The following SLC4A10 variants were observed in gnomAD, a reference collection of about 807,000 sequenced individuals.
SLC4A10 encodes the protein sodium-driven chloride bicarbonate exchanger.
In SLC4A10, 42 loss-of-function variants were observed where a neutral mutation model predicts 137.7. That is an observed-to-expected ratio of 0.30 (90% CI 0.24 to 0.39). SLC4A10 has a LOEUF of 0.39. SLC4A10 is among the 10% of genes least tolerant of loss of function. SLC4A10 has a pLI of 1.00. For missense variants in SLC4A10, 925 were observed against 1,355.0 expected, an observed-to-expected ratio of 0.68 and a Z score of 4.98; for synonymous variants, 474 against 464.1, an observed-to-expected ratio of 1.02 and a Z score of -0.27.
At chr2:161,689,895 T>C (rs755008701) in intron 1 of SLC4A10, among the ~76,000 whole-genome samples, 38 of 152,268 alleles carry the variant, frequency 2.5e-4, no homozygotes, top group Admixed American at 1.7e-3. Flanking sequence ...CAGGTTCTCT[T>C]TTTGACATGC....
chr2:161,692,019 G>A (rs867368323), intron 1 of SLC4A10, among the ~76,000 whole-genome samples: 19 of 152,158 alleles, frequency 1.2e-4, no homozygotes, highest in African/African-American at 4.3e-4. Flanking sequence ...ATAACATGGA[G>A]CTTTAGAGGA....
chr2:161,736,864 T>C (rs1258217602), intron 1 of SLC4A10, among the ~76,000 whole-genome samples: 3 of 152,118 alleles, frequency 2.0e-5, no homozygotes, highest in African/African-American at 7.2e-5. Context: ...TTATTATTGT[T>C]ATTATTGAGA....
intron 3 of SLC4A10, among the ~76,000 whole-genome samples, chr2:161,820,572 G>C (rs1029474455): frequency 6.6e-6 from 1 of 152,062 alleles, no homozygotes; most frequent in Non-Finnish European, 1.5e-5. Flanking sequence ...GGAATTAATT[G>C]CTCAGTGTTC....
rs559405555 is a variant in SLC4A10, at chr2:161,792,564, A to G, written c.131-11885A>G. Among the ~76,000 whole-genome samples, 4 of 152,248 alleles carry G rather than the reference A, an allele frequency of 2.6e-5. No individual in the cohort carries two copies. The South Asian group carries it at 6.2e-4, about 24-fold the overall frequency. ...TTTTTGACTAAATTCTTAAATCTCT[A>G]TTTCAGCTGTCTTCCCCCTAGAACT... is the stretch of plus-strand genomic sequence containing the variant. On this transcript the variant is annotated intron_variant, in intron 2 of 26. Coordinates refer to ENST00000446997, the MANE Select transcript of SLC4A10 (RefSeq NM_001178015.2).
chr2:161,911,260 T>G (rs1685780157), intron 15 of SLC4A10, among the ~76,000 whole-genome samples: 1 of 152,090 alleles, frequency 6.6e-6, no homozygotes, highest in South Asian at 2.1e-4. Context: ...TTGGGATAAA[T>G]TTGACACATT....
In SLC4A10 at chr2:161,822,687, T is replaced by C. The variant is rs1389723551; in HGVS notation, c.278-17102T>C. Among the ~76,000 whole-genome samples the C allele has an allele frequency of 2.6e-5, 4 of 152,268 alleles. No homozygotes were observed. The South Asian group carries it at 8.3e-4, about 32-fold the overall frequency. On this transcript the variant is annotated intron_variant, in intron 3 of 26. Coordinates refer to ENST00000446997, the MANE Select transcript of SLC4A10 (RefSeq NM_001178015.2). ...ATATTATGTATTTTTATATTAAAAA[T>C]GTATGGGCCAGGCGCAGTGGCTCAT...
intron 1 of SLC4A10, among the ~76,000 whole-genome samples, chr2:161,727,214 TC>T (rs1395004918): frequency 1.3e-5 from 2 of 152,334 alleles, no homozygotes; most frequent in African/African-American, 4.8e-5. Context: ...AGCCAGGCCT[TC>T]AGTTACCAGG....
At chr2:161,625,847 A>C (rs1423913283) in intron 1 of SLC4A10, among the ~76,000 whole-genome samples, 1 of 151,912 alleles carries the variant, frequency 6.6e-6, no homozygotes, top group East Asian at 1.9e-4. Flanking sequence ...CCAAGAATAG[A>C]GTCTCAACAG....
chr2:161,703,857 C>A (rs1156647894), intron 1 of SLC4A10, among the ~76,000 whole-genome samples: 1 of 151,640 alleles, frequency 6.6e-6, no homozygotes, highest in Middle Eastern at 3.2e-3. Flanking sequence ...TGTGTTGTGG[C>A]ACCCTACAAC....
intron 16 of SLC4A10, 54 bp from the exon 17 acceptor site, chr2:161,947,512 G>A (rs1694040506): frequency 1.9e-6 from 3 of 1,567,060 alleles, no homozygotes. Context: ...TTTTCTGCAA[G>A]AAATGTGTCC....
chr2:161,778,916 C>A (rs1305415309), intron 2 of SLC4A10, among the ~76,000 whole-genome samples: 2 of 151,836 alleles, frequency 1.3e-5, no homozygotes, highest in Non-Finnish European at 1.5e-5. Flanking sequence ...CCTTTTGGGG[C>A]CACATAGTAC....
intron 3 of SLC4A10, among the ~76,000 whole-genome samples, chr2:161,815,027 T>C (rs2125655950): frequency 6.6e-6 from 1 of 152,238 alleles, no homozygotes; most frequent in East Asian, 1.9e-4. Context: ...ATAACAAAAA[T>C]AGTAAAAATA....
chr2:161,851,514 C>G (rs1308669808), intron 4 of SLC4A10, among the ~76,000 whole-genome samples: 2 of 151,976 alleles, frequency 1.3e-5, no homozygotes, highest in Non-Finnish European at 2.9e-5. Flanking sequence ...TCATTCTTTT[C>G]TGAAATAAAA....
intron 1 of SLC4A10, among the ~76,000 whole-genome samples, chr2:161,763,294 T>A (rs1271892253): frequency 6.6e-6 from 1 of 152,054 alleles, no homozygotes; most frequent in Non-Finnish European, 1.5e-5. Context: ...TTCCACACAA[T>A]TTGGAGCCAT....
rs546658683 is a variant in SLC4A10 at position 161,865,165 on chromosome 2, AT to A, written c.766+2112del. On this transcript the variant is annotated intron_variant, in intron 6 of 26. Coordinates refer to ENST00000446997, the MANE Select transcript of SLC4A10 (RefSeq NM_001178015.2). ...TTTACTATAACAATAATTTCATTGC[AT>A]TTTTTTTTCAGGCAAGAGACTACAG... 2.2e-3 allele frequency among the ~76,000 whole-genome samples: 333 copies of A among 150,780 alleles called. 1 individual carries two copies. Among genetic ancestry groups the A allele is most frequent in the African/African-American group, 7.3e-3 (301 of 41,158 alleles).
Position 161,889,003 on chromosome 2 carries a change from G to T in SLC4A10, c.1195-5676G>T, listed in dbSNP as rs529283811. 1.8e-4 allele frequency among the ~76,000 whole-genome samples: 28 copies of T among 152,278 alleles called. No homozygotes were observed. The East Asian group carries it at 5.0e-3, about 27-fold the overall frequency. ...AGAGTTTTTAGCAGGAAAGGGTGTTGAATTTTATTGAAGGCCTTTTCTGCA... is the reference window on the plus strand; with the variant it reads ...AGAGTTTTTAGCAGGAAAGGGTGTTTAATTTTATTGAAGGCCTTTTCTGCA... On this transcript the variant is annotated intron_variant, in intron 10 of 26. Coordinates refer to ENST00000446997, the MANE Select transcript of SLC4A10 (RefSeq NM_001178015.2).
At chr2:161,781,108 TA>T (rs964235122) in intron 2 of SLC4A10, among the ~76,000 whole-genome samples, 1 of 151,844 alleles carries the variant, frequency 6.6e-6, no homozygotes, top group African/African-American at 2.4e-5. Flanking sequence ...ATATTAAGAG[TA>T]AAAATAGTAT....
chr2:161,722,601 G>A (rs542938457), intron 1 of SLC4A10, among the ~76,000 whole-genome samples: 2 of 152,284 alleles, frequency 1.3e-5, no homozygotes, highest in South Asian at 4.1e-4. Flanking sequence ...GAATGCTCCT[G>A]TACAAGGTGT....
intron 3 of SLC4A10, among the ~76,000 whole-genome samples, chr2:161,830,348 T>C (rs566861199): frequency 6.6e-6 from 1 of 152,246 alleles, no homozygotes; most frequent in Non-Finnish European, 1.5e-5. Flanking sequence ...AATCCAAACA[T>C]TTTTACAATT....
Sources: gnomAD v4.1 joint callset for allele counts (sites outside exome capture counted in the v4.1 genomes callset) on GRCh38, gnomAD v4.1.1 for gene constraint, MANE v1.5 for transcripts, NCBI Gene and HGNC (gene_info 2026-07-23, HGNC 2026-07-21) for gene names.